Variants in LDB2 observed in about 807,000 individuals in gnomAD.
The protein encoded by LDB2 is LIM domain-binding protein 2.
Under a neutral mutation model 44.3 loss-of-function variants are expected in LDB2, and 12 were observed. That is an observed-to-expected ratio of 0.27 (90% CI 0.17 to 0.44). The LOEUF (loss-of-function observed/expected upper bound fraction) is 0.44, where lower values mean the gene tolerates loss of function less well. Ranked by LOEUF, LDB2 falls within the 20% of genes least tolerant of loss-of-function variation. The pLI is 1.00. For missense variants in LDB2, 344 were observed against 473.5 expected (o/e 0.73, Z 2.54); for synonymous variants, 164 against 174.8 (o/e 0.94, Z 0.49).
rs1311290783 is a variant in LDB2, at chr4:16,650,810, G to A, written c.236-54935C>T. 3.3e-5 allele frequency among the ~76,000 whole-genome samples: 5 copies of A among 152,134 alleles called. No homozygotes were observed. The East Asian group carries it at 7.7e-4, about 23-fold the overall frequency. ...AAGTAGCCCCATTCCCTTAAAAAGT[G>A]GGAGTCACTGAAGACTGTCATATCA... On this transcript the variant is annotated intron_variant, in intron 2 of 7. Transcript: ENST00000304523.
chr4:16,607,021 A>G (rs532004296), intron 2 of LDB2, among the ~76,000 whole-genome samples: 47 of 152,334 alleles, frequency 3.1e-4, no homozygotes, highest in African/African-American at 1.1e-3. Flanking sequence ...TGTAGAGAGA[A>G]GGCAGACTTG....
chr4:16,663,219 A>C (rs1742086736), intron 2 of LDB2, among the ~76,000 whole-genome samples: 1 of 152,220 alleles, frequency 6.6e-6, no homozygotes, highest in Non-Finnish European at 1.5e-5. Context: ...AATGAAAGTC[A>C]GAAGAAGAAA....
At chr4:16,779,889 C>G (rs1772785242) in intron 1 of LDB2, among the ~76,000 whole-genome samples, 1 of 152,112 alleles carries the variant, frequency 6.6e-6, no homozygotes, top group Admixed American at 6.5e-5. Context: ...TGACTTTTTT[C>G]ATTTTCTTCT....
At chr4:16,771,247 GA>G (rs35056949) in intron 1 of LDB2, among the ~76,000 whole-genome samples, 7 of 151,130 alleles carry the variant, frequency 4.6e-5, no homozygotes, top group East Asian at 1.9e-4. Context: ...TGGAAAAAAT[GA>G]AAAAAAAATT....
chr4:16,850,755 T>C (rs992206349), intron 1 of LDB2, among the ~76,000 whole-genome samples: 9 of 152,158 alleles, frequency 5.9e-5, no homozygotes, highest in Non-Finnish European at 1.0e-4. Context: ...GGTCATTCAC[T>C]GAAACATGAG....
chr4:16,751,018 C>G (rs1047048603), intron 2 of LDB2: 1 of 152,142 alleles, frequency 6.6e-6, no homozygotes, highest in African/African-American at 2.4e-5. Flanking sequence ...AGGCAATATA[C>G]TCCCTAAAAC....
chr4:16,691,111 G>A (rs2152596460), intron 2 of LDB2, among the ~76,000 whole-genome samples: 1 of 152,206 alleles, frequency 6.6e-6, no homozygotes, highest in South Asian at 2.1e-4. Flanking sequence ...AGGAAACCAT[G>A]ATGAGATACA....
chr4:16,612,677 C>A (rs1297499657), intron 2 of LDB2, among the ~76,000 whole-genome samples: 1 of 152,108 alleles, frequency 6.6e-6, no homozygotes, highest in Non-Finnish European at 1.5e-5. Flanking sequence ...CCTGAATAGA[C>A]CAATAACAAG....
intron 1 of LDB2, among the ~76,000 whole-genome samples, chr4:16,840,082 A>G (rs1785584086): frequency 1.3e-5 from 2 of 152,286 alleles, no homozygotes; most frequent in Admixed American, 1.3e-4. Flanking sequence ...ACCTGTTTTA[A>G]CTTTCCCAAC....
At chr4:16,714,160 T>A (rs1470687822) in intron 2 of LDB2, among the ~76,000 whole-genome samples, 1 of 152,226 alleles carries the variant, frequency 6.6e-6, no homozygotes, top group African/African-American at 2.4e-5. Flanking sequence ...CTAAGAAGTT[T>A]ATCCTAAGAA....
At chr4:16,871,202 G>A (rs1716477035) in intron 1 of LDB2, among the ~76,000 whole-genome samples, 1 of 152,166 alleles carries the variant, frequency 6.6e-6, no homozygotes, top group South Asian at 2.1e-4. Context: ...TATGTCTGTT[G>A]CATGATGGAA....
intron 1 of LDB2, among the ~76,000 whole-genome samples, chr4:16,843,420 A>C (rs560271681): frequency 5.3e-5 from 8 of 152,292 alleles, no homozygotes; most frequent in African/African-American, 1.9e-4. Context: ...GTTGTAAATG[A>C]GTGAATGAGT....
At chr4:16,662,525 T>C (rs1328969391) in intron 2 of LDB2, among the ~76,000 whole-genome samples, 1 of 152,176 alleles carries the variant, frequency 6.6e-6, no homozygotes, top group Non-Finnish European at 1.5e-5. Context: ...AACTCATATA[T>C]TGATATGGTT....
intron 2 of LDB2, among the ~76,000 whole-genome samples, chr4:16,665,730 T>C (rs1285126926): frequency 1.3e-5 from 2 of 152,064 alleles, no homozygotes; most frequent in Non-Finnish European, 2.9e-5. Flanking sequence ...GATATGTCCA[T>C]TTGGAACGTG....
chr4:16,561,830 T>G (rs1742430613), intron 5 of LDB2, among the ~76,000 whole-genome samples: 1 of 152,158 alleles, frequency 6.6e-6, no homozygotes, highest in South Asian at 2.1e-4. Context: ...TACTACAGGC[T>G]ACAGTAACCA....
intron 2 of LDB2, among the ~76,000 whole-genome samples, chr4:16,673,605 C>T (rs1745484369): frequency 1.3e-5 from 2 of 152,284 alleles, no homozygotes; most frequent in African/African-American, 2.4e-5. Flanking sequence ...GGAGAGCACC[C>T]TTCTCCATGC....
intron 2 of LDB2, among the ~76,000 whole-genome samples, chr4:16,605,970 G>A (rs1723826302): frequency 6.6e-6 from 1 of 152,076 alleles, no homozygotes; most frequent in African/African-American, 2.4e-5. Flanking sequence ...AACTTTATTT[G>A]TTTAAACTGC....
chr4:16,526,073 T>C (rs1728135166), intron 5 of LDB2, among the ~76,000 whole-genome samples: 1 of 152,182 alleles, frequency 6.6e-6, no homozygotes, highest in Non-Finnish European at 1.5e-5. Context: ...ATACCTAAAA[T>C]CCTGGTAAAG....
chr4:16,844,700 C>G (rs1311551388), intron 1 of LDB2, among the ~76,000 whole-genome samples: 1 of 151,962 alleles, frequency 6.6e-6, no homozygotes, highest in African/African-American at 2.4e-5. Context: ...GTTTTTTTGT[C>G]CATGACTTTT....
Sources: gnomAD v4.1 joint callset for allele counts (sites outside exome capture counted in the v4.1 genomes callset) on GRCh38, gnomAD v4.1.1 for gene constraint, MANE v1.5 for transcripts, NCBI Gene and HGNC (gene_info 2026-07-23, HGNC 2026-07-21) for gene names.